Variants in PTPRD observed in about 807,000 individuals in gnomAD.
PTPRD encodes the protein receptor-type tyrosine-protein phosphatase delta.
PTPRD carries 34 observed loss-of-function variants against 214.5 expected under a neutral mutation model. That is an observed-to-expected ratio of 0.16 (90% CI 0.12 to 0.21). The LOEUF is 0.21. Among genes scored for constraint, PTPRD ranks in the 10% least tolerant of loss-of-function variants. PTPRD has a pLI of 1.00. For synonymous variants in PTPRD, 1,128 were observed against 845.7 expected (o/e 1.33, Z -5.79); for missense variants, 2,545 against 2,398.7 (o/e 1.06, Z -1.27).
intron 14 of PTPRD, among the ~76,000 whole-genome samples, chr9:8,563,600 C>T (rs1199960359): frequency 6.6e-6 from 1 of 151,800 alleles, no homozygotes; most frequent in Non-Finnish European, 1.5e-5. Context: ...CCACACCTGG[C>T]TAATTTTTGT....
chr9:9,330,339 G>T (rs753249908), intron 9 of PTPRD, among the ~76,000 whole-genome samples: 5 of 152,022 alleles, frequency 3.3e-5, no homozygotes, highest in Non-Finnish European at 7.4e-5. Context: ...AGCTGTATAA[G>T]AAGAAATACA....
chr9:8,872,429 T>A (rs936084252), intron 11 of PTPRD, among the ~76,000 whole-genome samples: 10 of 152,208 alleles, frequency 6.6e-5, no homozygotes, highest in Admixed American at 2.6e-4. Flanking sequence ...TTGTTAACAA[T>A]GTTGTATTAT....
chr9:9,483,915 G>A lies in PTPRD; in HGVS notation c.-236-86433C>T, dbSNP rs866836518. Among the ~76,000 whole-genome samples, 62 of 150,654 alleles carry A rather than the reference G, an allele frequency of 4.1e-4. 1 individual carries two copies. Among genetic ancestry groups the A allele is most frequent in the East Asian group, 4.1e-3 (21 of 5,112 alleles). On this transcript the variant is annotated intron_variant, in intron 8 of 45. Coordinates refer to ENST00000381196, the MANE Select transcript of PTPRD (RefSeq NM_002839.4). Reference sequence around the variant, plus strand: ...ATAAAATCCCTTTGTATCCTATCACGTTTATGTTATATTATAAATGCTTTT... The same window carrying A: ...ATAAAATCCCTTTGTATCCTATCACATTTATGTTATATTATAAATGCTTTT...
chr9:10,437,774 G>GAT (rs946056068), intron 2 of PTPRD, among the ~76,000 whole-genome samples: 89 of 150,444 alleles, frequency 5.9e-4, no homozygotes, highest in African/African-American at 1.6e-3. Flanking sequence ...TGTTTTATCA[G>GAT]ATATATATAT....
chr9:9,048,839 T>C (rs375964761), intron 10 of PTPRD, among the ~76,000 whole-genome samples: 52 of 152,282 alleles, frequency 3.4e-4, no homozygotes, highest in African/African-American at 1.2e-3. Flanking sequence ...ACACAAAGGA[T>C]AAATGCTTGA....
At chr9:8,648,127 GA>G (rs1482396327) in intron 12 of PTPRD, among the ~76,000 whole-genome samples, 2 of 152,206 alleles carry the variant, frequency 1.3e-5, no homozygotes, top group African/African-American at 4.8e-5. Context: ...GGTCAGAGCA[GA>G]AAAGTGGAAA....
At chr9:9,783,359 T>G (rs893984604) in intron 5 of PTPRD, among the ~76,000 whole-genome samples, 12 of 152,164 alleles carry the variant, frequency 7.9e-5, no homozygotes, top group African/African-American at 2.9e-4. Flanking sequence ...CTAGGAGAAG[T>G]AGAATCTTTC....
At chr9:10,510,114 C>T (rs1361799268) in intron 2 of PTPRD, among the ~76,000 whole-genome samples, 2 of 152,012 alleles carry the variant, frequency 1.3e-5, no homozygotes, top group African/African-American at 2.4e-5. Context: ...AACTAGAGTA[C>T]AGTGTTTGGG....
intron 11 of PTPRD, among the ~76,000 whole-genome samples, chr9:8,759,063 C>T (rs1229567612): frequency 1.3e-5 from 2 of 151,314 alleles, no homozygotes; most frequent in Non-Finnish European, 2.9e-5. Flanking sequence ...GAGCATCTCA[C>T]TCTGTCACCC....
At chr9:9,320,563 A>C (rs1333123) in intron 9 of PTPRD, among the ~76,000 whole-genome samples, 17,252 of 152,126 alleles carry the variant, frequency 0.11, 1,313 homozygotes, top group Non-Finnish European at 0.16. Context: ...AGTCCTTTAC[A>C]CCGACTCTCT....
intron 35 of PTPRD, among the ~76,000 whole-genome samples, chr9:8,427,755 T>C (rs1590138885): frequency 6.6e-6 from 1 of 151,882 alleles, no homozygotes; most frequent in East Asian, 1.9e-4. Flanking sequence ...AATGGTAGGG[T>C]TTCATTGATT....
chr9:8,592,633 GTCTTT>G (rs2094194952), intron 14 of PTPRD, among the ~76,000 whole-genome samples: 1 of 152,080 alleles, frequency 6.6e-6, no homozygotes, highest in Non-Finnish European at 1.5e-5. Flanking sequence ...GCTTCCTGAT[GTCTTT>G]TCTTTATTCA....
chr9:8,771,485 A>G (rs181284037), intron 11 of PTPRD, among the ~76,000 whole-genome samples: 83 of 152,324 alleles, frequency 5.4e-4, no homozygotes, highest in African/African-American at 1.9e-3. Context: ...ACAGGTGACA[A>G]GTCTAAGTCA....
chr9:9,545,279 A>G (rs1022848281), intron 8 of PTPRD, among the ~76,000 whole-genome samples: 1 of 151,756 alleles, frequency 6.6e-6, no homozygotes, highest in Admixed American at 6.6e-5. Flanking sequence ...CCACTGTGCT[A>G]AAAATCCTCT....
At chr9:9,252,576 G>C (rs932261058) in intron 9 of PTPRD, among the ~76,000 whole-genome samples, 2 of 151,888 alleles carry the variant, frequency 1.3e-5, no homozygotes, top group African/African-American at 2.4e-5. Flanking sequence ...TTGACTCCTG[G>C]GCTCAGGCAA....
intron 11 of PTPRD, among the ~76,000 whole-genome samples, chr9:9,005,017 C>A (rs2099453703): frequency 1.3e-5 from 2 of 152,094 alleles, no homozygotes; most frequent in African/African-American, 4.8e-5. Flanking sequence ...TTTGCTGGAA[C>A]CAGCCATTCC....
intron 9 of PTPRD, among the ~76,000 whole-genome samples, chr9:9,388,736 G>A (rs1285793856): frequency 6.6e-6 from 1 of 152,080 alleles, no homozygotes; most frequent in Admixed American, 6.6e-5. Flanking sequence ...GTAATTATAG[G>A]TATTAGTCTA....
chr9:8,850,502 T>G (rs1037676200), intron 11 of PTPRD, among the ~76,000 whole-genome samples: 1 of 152,164 alleles, frequency 6.6e-6, no homozygotes. Flanking sequence ...TGGAAGATGC[T>G]TCCAATATTT....
At chr9:10,214,911 G>A (rs1472561873) in intron 3 of PTPRD, among the ~76,000 whole-genome samples, 1 of 152,088 alleles carries the variant, frequency 6.6e-6, no homozygotes, top group African/African-American at 2.4e-5. Context: ...ATACATCTTG[G>A]TTATTTTACT....
Sources: allele counts gnomAD v4.1 joint callset (sites outside exome capture counted in the v4.1 genomes callset), GRCh38; gene constraint gnomAD v4.1.1; transcripts MANE v1.5; gene names NCBI Gene and HGNC (gene_info 2026-07-23, HGNC 2026-07-21).